USP32: variants seen among roughly 807,000 people sequenced by gnomAD.
USP32 encodes the protein ubiquitin carboxyl-terminal hydrolase 32.
USP32 carries 59 observed loss-of-function variants against 204.8 expected under a neutral mutation model. The ratio of observed to expected loss-of-function variants is 0.29; its 90% CI spans 0.23 to 0.36. The LOEUF (loss-of-function observed/expected upper bound fraction) is 0.36, where lower values mean the gene tolerates loss of function less well. USP32 is among the 10% of genes least tolerant of loss of function. USP32 has a pLI of 1.00. For missense variants in USP32, 1,160 were observed against 1,946.4 expected (o/e 0.60, Z 7.60); for synonymous variants, 517 against 678.4 (o/e 0.76, Z 3.70).
At chr17:60,299,469 T>A (rs2087519432) in intron 3 of USP32, among the ~76,000 whole-genome samples, 1 of 152,178 alleles carries the variant, frequency 6.6e-6, no homozygotes, top group Admixed American at 6.5e-5. Flanking sequence ...GGAGGCTGAA[T>A]TCTTCCTTTA....
intron 1 of USP32, among the ~76,000 whole-genome samples, chr17:60,354,690 T>C (rs1400160020): frequency 1.3e-5 from 2 of 152,128 alleles, no homozygotes; most frequent in Non-Finnish European, 2.9e-5. Context: ...GGCCTACAAC[T>C]AGCAATTTTT....
chr17:60,236,026 A>T, intron 12 of USP32, 112 bp downstream of exon 12: 1 of 834,956 alleles, frequency 1.2e-6, no homozygotes, highest in Non-Finnish European at 2.0e-6. Context: ...ATCTTTATTT[A>T]AGTTGGAGCA....
rs754659910 is a variant in USP32 at position 60,226,100 on chromosome 17, T to G, written c.1371A>C (p.Thr457=). The G allele has an allele frequency of 1.2e-6, 2 of 1,607,756 alleles. No homozygotes were observed. Among genetic ancestry groups the G allele is most frequent in the Non-Finnish European group, 1.7e-6 (2 of 1,177,926 alleles). Residue 457 remains threonine (T), a synonymous_variant, in exon 13 of 34, where the codon ACA becomes ACC. Coordinates refer to ENST00000300896, the MANE Select transcript of USP32 (RefSeq NM_032582.4). The part of the protein sequence containing the change: ...IGSSLSYVNT[T]EEKFSDNIST... The stretch of plus-strand genomic sequence containing the variant: ...AAATGTTGTCTGAAAATTTCTCTTC[T>G]GTAGTATTCACGTAACTGAGGCTGC...
intron 12 of USP32, among the ~76,000 whole-genome samples, chr17:60,230,599 T>C (rs2085519773): frequency 6.6e-6 from 1 of 152,224 alleles, no homozygotes. Flanking sequence ...TCTCTTCCAA[T>C]GCTCCAAACA....
intron 11 of USP32, among the ~76,000 whole-genome samples, chr17:60,251,761 G>A (rs1361123263): frequency 6.6e-6 from 1 of 151,980 alleles, no homozygotes; most frequent in Non-Finnish European, 1.5e-5. Flanking sequence ...CCAAGACATA[G>A]AGATTTTATT....
At chr17:60,386,410 A>G (rs2089732298) in intron 1 of USP32, among the ~76,000 whole-genome samples, 1 of 152,034 alleles carries the variant, frequency 6.6e-6, no homozygotes, top group East Asian at 1.9e-4. Flanking sequence ...GCTGTTTAAC[A>G]TTAAAGCTTC....
At chr17:60,392,844 A>G (rs942594571), upstream of USP32, among the ~76,000 whole-genome samples, 3 of 152,080 alleles carry the variant, frequency 2.0e-5, no homozygotes, top group East Asian at 3.9e-4. Context: ...CCTCCTGACC[A>G]TGCCTCTTGT....
At chr17:60,377,769 A>G (rs2089575462) in intron 1 of USP32, among the ~76,000 whole-genome samples, 1 of 152,018 alleles carries the variant, frequency 6.6e-6, no homozygotes, top group East Asian at 1.9e-4. Context: ...TTTTCAAAGG[A>G]CTCTATCTAG....
intron 2 of USP32, among the ~76,000 whole-genome samples, chr17:60,311,531 G>A (rs1383961533): frequency 5.3e-5 from 8 of 152,010 alleles, no homozygotes; most frequent in Non-Finnish European, 5.9e-5. Context: ...GTCAAAAAAG[G>A]GTAGATGTAG....
At chr17:60,284,373 T>C (rs755110144) in intron 5 of USP32, among the ~76,000 whole-genome samples, 1 of 151,570 alleles carries the variant, frequency 6.6e-6, no homozygotes, top group Non-Finnish European at 1.5e-5. Context: ...GCCACCATGG[T>C]TGGCTAATTT....
At chr17:60,365,394 T>A (rs1166262078) in intron 1 of USP32, among the ~76,000 whole-genome samples, 1 of 152,000 alleles carries the variant, frequency 6.6e-6, no homozygotes, top group Non-Finnish European at 1.5e-5. Context: ...GGTAGGATAA[T>A]CGCTTGAACA....
intron 30 of USP32, among the ~76,000 whole-genome samples, chr17:60,185,136 CCA>C (rs2084219063): frequency 6.6e-6 from 1 of 152,218 alleles, no homozygotes; most frequent in South Asian, 2.1e-4. Context: ...CTTCCTCTCT[CCA>C]CAGAGCCAGA....
intron 5 of USP32, among the ~76,000 whole-genome samples, chr17:60,285,262 C>T (rs986864579): frequency 6.6e-6 from 1 of 152,084 alleles, no homozygotes; most frequent in African/African-American, 2.4e-5. Context: ...AAGGTTCCCT[C>T]AATATTTTAA....
At chr17:60,311,168 T>C (rs996235489) in intron 2 of USP32, among the ~76,000 whole-genome samples, 38 of 152,166 alleles carry the variant, frequency 2.5e-4, no homozygotes, top group African/African-American at 8.7e-4. Flanking sequence ...AGGACAAACA[T>C]TTAAGGTAAT....
intron 11 of USP32, among the ~76,000 whole-genome samples, chr17:60,238,753 G>A (rs2085800813): frequency 6.7e-6 from 1 of 149,392 alleles, no homozygotes. Context: ...GCAGTGAGTC[G>A]AGATCATGCC....
intron 24 of USP32, 77 bp downstream of exon 24, chr17:60,207,982 C>G: frequency 6.7e-7 from 1 of 1,481,734 alleles, no homozygotes; most frequent in Non-Finnish European, 9.0e-7. Flanking sequence ...CATAACCTAA[C>G]AATTGATCAT....
chr17:60,234,553 C>T (rs939213684), intron 12 of USP32, among the ~76,000 whole-genome samples: 35 of 151,022 alleles, frequency 2.3e-4, no homozygotes, highest in Non-Finnish European at 3.5e-4. Flanking sequence ...CAGTGAAGCC[C>T]CATCTCTACT....
At position 60,251,911 on chromosome 17, in the gene USP32, A is replaced by G. The variant is rs570975764; in HGVS notation, c.1136+470T>C. On this transcript the variant is annotated intron_variant, in intron 11 of 33. Coordinates refer to ENST00000300896, the MANE Select transcript of USP32 (RefSeq NM_032582.4). Reference sequence around the variant, plus strand: ...TATTATTTTATATGATCTAGAGTGAAAATAGGAGCAGGGAATAAAGTAGGT... The same window carrying G: ...TATTATTTTATATGATCTAGAGTGAGAATAGGAGCAGGGAATAAAGTAGGT... 2.6e-5 allele frequency among the ~76,000 whole-genome samples: 4 copies of G among 152,140 alleles called. No individual in the cohort carries two copies. The East Asian group carries it at 7.7e-4, about 29-fold the overall frequency.
chr17:60,392,440 T>G (rs1598313856), upstream of USP32: 3 of 237,656 alleles, frequency 1.3e-5, no homozygotes, highest in South Asian at 3.4e-5. Flanking sequence ...GCGCCTCCGC[T>G]GGCGACGGGG....
Sources: gnomAD v4.1 joint callset for allele counts (sites outside exome capture counted in the v4.1 genomes callset) on GRCh38, gnomAD v4.1.1 for gene constraint, MANE v1.5 for transcripts, NCBI Gene and HGNC (gene_info 2026-07-23, HGNC 2026-07-21) for gene names.